Variants in PPM1E observed in about 807,000 individuals in gnomAD.
PPM1E encodes the protein protein phosphatase, Mg2+/Mn2+ dependent 1E.
Under a neutral mutation model 65.9 loss-of-function variants are expected in PPM1E, and 20 were observed. The ratio of observed to expected loss-of-function variants is 0.30; its 90% confidence interval spans 0.21 to 0.44. The LOEUF is 0.44. Ranked by LOEUF, PPM1E falls within the 20% of genes least tolerant of loss-of-function variation. The pLI, the probability that PPM1E is intolerant of heterozygous loss-of-function variation, is 1.00. For missense variants in PPM1E, 713 were observed against 953.1 expected (o/e 0.75, Z 3.32); for synonymous variants, 352 against 374.9 (o/e 0.94, Z 0.70).
intron 1 of PPM1E, among the ~76,000 whole-genome samples, chr17:58,931,066 T>TAAAAAAAAAAAAAAAAAAAAAATA (rs774968022): frequency 1.2e-5 from 1 of 83,148 alleles, no homozygotes; most frequent in African/African-American, 4.6e-5. Flanking sequence ...ATACAAAAAT[T>TAAAAAAAAAAAAAAAAAAAAAATA]AAAAAAAAAA....
intron 1 of PPM1E, among the ~76,000 whole-genome samples, chr17:58,823,765 C>G (rs1327925536): frequency 6.6e-6 from 1 of 152,174 alleles, no homozygotes; most frequent in South Asian, 2.1e-4. Context: ...GAGTCTTGCT[C>G]TGTTGCCCAG....
chr17:58,949,193 G>A (rs565438876), intron 1 of PPM1E, among the ~76,000 whole-genome samples: 2 of 152,258 alleles, frequency 1.3e-5, no homozygotes, highest in South Asian at 4.1e-4. Flanking sequence ...TTAGGTGCAT[G>A]TATATTTACA....
rs541968758 is a variant in PPM1E, at chr17:58,789,663, C to T, written c.464+33202C>T. On this transcript the variant is annotated intron_variant, in intron 1 of 6. Coordinates refer to ENST00000308249, the MANE Select transcript of PPM1E (RefSeq NM_014906.5). ...TGCCTGCTATTTGAACAAAAGGCAT[C>T]TTTATTTTCATTCTTTCTTAGATGA... is the stretch of plus-strand genomic sequence containing the variant. Among the ~76,000 whole-genome samples, 212 of 151,966 alleles carry T rather than the reference C, an allele frequency of 1.4e-3. 1 individual carries two copies. The highest frequency in any genetic ancestry group is 0.014 in the Middle Eastern group (4 of 294).
intron 1 of PPM1E, among the ~76,000 whole-genome samples, chr17:58,903,078 GA>G (rs1415782346): frequency 6.6e-6 from 1 of 151,998 alleles, no homozygotes; most frequent in Non-Finnish European, 1.5e-5. Flanking sequence ...AATCTTTTAG[GA>G]AAAAAGAAAA....
chr17:58,961,743 T>C (rs2030036712), intron 2 of PPM1E, among the ~76,000 whole-genome samples: 1 of 151,776 alleles, frequency 6.6e-6, no homozygotes. Flanking sequence ...CCACATGTGG[T>C]TATCGAGCAA....
intron 2 of PPM1E, among the ~76,000 whole-genome samples, chr17:58,957,822 A>C (rs2029900978): frequency 2.0e-5 from 3 of 152,194 alleles, no homozygotes. Flanking sequence ...AGTTTGGTAG[A>C]TACAACTTTT....
At chr17:58,870,929 C>T (rs2051062206) in intron 1 of PPM1E, among the ~76,000 whole-genome samples, 1 of 151,960 alleles carries the variant, frequency 6.6e-6, no homozygotes, top group South Asian at 2.1e-4. Flanking sequence ...GGGAATAGCC[C>T]CTCAAGGTGT....
intron 1 of PPM1E, among the ~76,000 whole-genome samples, chr17:58,852,229 G>A (rs573215600): frequency 2.0e-5 from 3 of 152,194 alleles, no homozygotes; most frequent in African/African-American, 4.8e-5. Context: ...TGCGCTTCCC[G>A]GGTGAAGCAC....
intron 1 of PPM1E, among the ~76,000 whole-genome samples, chr17:58,944,094 T>C (rs1193107582): frequency 1.3e-5 from 2 of 152,124 alleles, no homozygotes; most frequent in Non-Finnish European, 2.9e-5. Flanking sequence ...CCCTTTCCCC[T>C]ATCCCCTATC....
intron 1 of PPM1E, among the ~76,000 whole-genome samples, chr17:58,757,278 A>G (rs1487125147): frequency 6.6e-6 from 1 of 152,190 alleles, no homozygotes; most frequent in Non-Finnish European, 1.5e-5. Flanking sequence ...CAGTCCATTA[A>G]GTAGATGGGA....
rs2031426572 is a variant in PPM1E at position 58,982,649 on chromosome 17, T to G, written c.*1618T>G. 1 of 470,802 alleles carries G rather than the reference T, an allele frequency of 2.1e-6. No homozygotes were observed. Among genetic ancestry groups the G allele is most frequent in the South Asian group, 3.2e-5 (1 of 31,058 alleles). The allele number at this position is 470,802 out of a possible 1,614,324, so 29.2% of individuals were successfully genotyped here. On this transcript the variant is annotated 3_prime_UTR_variant, in exon 7 of 7. Coordinates refer to ENST00000308249, the MANE Select transcript of PPM1E (RefSeq NM_014906.5). ...AAAAACAGCTTCACTTTAGCAATGA[T>G]CAGATTGTTAATCTACAGATTTTAT...
chr17:58,901,032 G>C (rs768578030), intron 1 of PPM1E, among the ~76,000 whole-genome samples: 1 of 152,094 alleles, frequency 6.6e-6, no homozygotes, highest in Non-Finnish European at 1.5e-5. Context: ...AAATCACATA[G>C]CTAGTAAGTA....
chr17:58,802,635 A>T (rs1019787413), intron 1 of PPM1E, among the ~76,000 whole-genome samples: 1 of 152,140 alleles, frequency 6.6e-6, no homozygotes, highest in Admixed American at 6.5e-5. Flanking sequence ...TGGATTGTGT[A>T]GGTATTTTAA....
intron 1 of PPM1E, among the ~76,000 whole-genome samples, chr17:58,947,313 T>C (rs2052172077): frequency 6.9e-6 from 1 of 145,056 alleles, no homozygotes; most frequent in African/African-American, 2.5e-5. Flanking sequence ...CTCAGCTCAC[T>C]GCAACCTCTG....
At chr17:58,861,955 T>G (rs915210470) in intron 1 of PPM1E, among the ~76,000 whole-genome samples, 1 of 152,038 alleles carries the variant, frequency 6.6e-6, no homozygotes, top group African/African-American at 2.4e-5. Context: ...AAATAAAAGC[T>G]GCTGTTTCCA....
chr17:58,781,139 CT>C (rs35359689), intron 1 of PPM1E, among the ~76,000 whole-genome samples: 53,094 of 122,938 alleles, frequency 0.43, 9,777 homozygotes, highest in Non-Finnish European at 0.5. Context: ...GTGCAGATGT[CT>C]TTTTTTTTTT....
chr17:58,959,375 G>A (rs1357239310), intron 2 of PPM1E, among the ~76,000 whole-genome samples: 6 of 150,838 alleles, frequency 4.0e-5, no homozygotes, highest in Admixed American at 6.6e-5. Context: ...TGAGGCGGGC[G>A]GATACCGAGG....
chr17:58,899,100 A>G (rs1166252796), intron 1 of PPM1E, among the ~76,000 whole-genome samples: 1 of 152,132 alleles, frequency 6.6e-6, no homozygotes, highest in Non-Finnish European at 1.5e-5. Context: ...CAGCACATGT[A>G]TACATATATA....
At chr17:58,776,225 G>A (rs1023468947) in intron 1 of PPM1E, among the ~76,000 whole-genome samples, 5 of 151,938 alleles carry the variant, frequency 3.3e-5, no homozygotes, top group African/African-American at 1.2e-4. Context: ...TACTTAGGAG[G>A]CTGAGATAGG....
Sources: allele counts gnomAD v4.1 joint callset (sites outside exome capture counted in the v4.1 genomes callset), GRCh38; gene constraint gnomAD v4.1.1; transcripts MANE v1.5; gene names NCBI Gene and HGNC (gene_info 2026-07-23, HGNC 2026-07-21).